Variants in NCKAP5L observed in about 807,000 individuals in gnomAD.
NCKAP5L encodes the protein nck-associated protein 5-like.
Under a neutral mutation model 103.2 loss-of-function variants are expected in NCKAP5L, and 54 were observed. That is an observed-to-expected ratio of 0.52 (90% CI 0.42 to 0.66). The LOEUF is 0.66. Among genes scored for constraint, NCKAP5L ranks in the 30% least tolerant of loss-of-function variants. The probability of loss-of-function intolerance (pLI) is 0.00; values close to 1 mark genes in which losing one functional copy is unlikely to be tolerated. For missense variants in NCKAP5L, 1,733 were observed against 1,750.6 expected, an observed-to-expected ratio of 0.99 and a Z score of 0.18; for synonymous variants, 762 against 748.6, an observed-to-expected ratio of 1.02 and a Z score of -0.29.
chr12:49,801,951 C>T lies in NCKAP5L; in HGVS notation c.248G>A (p.Cys83Tyr), dbSNP rs1946124628. The change falls in exon 6 of 13, where the codon TGC becomes TAC. Residue 83 changes from cysteine to tyrosine, a missense_variant. Transcript: ENST00000335999. ...AAACACTCTCTTCTTCAGCTTGATGCACTCCTCTCGCAGGTCCTGCCGCCC... is the reference window on the plus strand; with the variant it reads ...AAACACTCTCTTCTTCAGCTTGATGTACTCCTCTCGCAGGTCCTGCCGCCC... ...LLNQKDLREECIKLKKRVFDL... is the reference protein window; with the variant it reads ...LLNQKDLREEYIKLKKRVFDL... 1.9e-6 allele frequency: 3 copies of T among 1,613,898 alleles called. No homozygotes were observed. In the South Asian group the frequency reaches 3.3e-5, roughly 18 times the overall value.
In NCKAP5L at chr12:49,793,446, C is replaced by T. The variant is rs1451817800; in HGVS notation, c.3259-13G>A. 1 of 1,608,686 alleles carries T rather than the reference C, an allele frequency of 6.2e-7. No homozygotes were observed. The highest frequency in any genetic ancestry group is 1.1e-5 in the South Asian group (1 of 91,042). On this transcript the variant is annotated splice_polypyrimidine_tract_variant and intron_variant, in intron 9 of 12. Coordinates refer to ENST00000335999, the MANE Select transcript of NCKAP5L (RefSeq NM_001037806.4). ...GCTCGCTGCTCGGCTGTGTGGGATA[C>T]AGGAGACCTCATAGTCCACTCCTCC...
chr12:49,794,944 C>A lies in NCKAP5L; in HGVS notation c.2916G>T (p.Met972Ile), dbSNP rs1157262944. 7.0e-6 allele frequency: 11 copies of A among 1,577,042 alleles called. No homozygotes were observed. The East Asian group carries it at 2.5e-4, about 36-fold the overall frequency. The change falls in exon 8 of 13, where the codon ATG becomes ATT. Residue 972 changes from methionine (M) to isoleucine (I), a missense_variant. Transcript: ENST00000335999. ...CCCGACGCAGGTCTTCCGCCTTGGCCATCAGCTTGGAGATGTTGAGGCTCT... is the reference window on the plus strand; with the variant it reads ...CCCGACGCAGGTCTTCCGCCTTGGCAATCAGCTTGGAGATGTTGAGGCTCT... ...EAESLNISKL[M>I]AKAEDLRRAL...
rs139672960 is a variant in NCKAP5L, at chr12:49,818,509, C to T, written c.-99+9813G>A. 4.4e-4 allele frequency among the ~76,000 whole-genome samples: 67 copies of T among 152,266 alleles called. No individual in the cohort carries two copies. In the East Asian group the frequency reaches 0.012, roughly 28 times the overall value. ...AGTAGCTGGGACTACAGGCATGCAT[C>T]ACCACGCCCAACTAATTTTTTGGAT... is the stretch of plus-strand genomic sequence containing the variant. On this transcript the variant is annotated intron_variant, in intron 1 of 12. Coordinates refer to ENST00000335999, the MANE Select transcript of NCKAP5L (RefSeq NM_001037806.4).
At chr12:49,793,599 C>G (rs1280967561) in intron 9 of NCKAP5L, 135 bp downstream of exon 9, 1 of 1,285,524 alleles carries the variant, frequency 7.8e-7, no homozygotes, top group Non-Finnish European at 1.1e-6. Flanking sequence ...CCTCTCCCCT[C>G]CCCAGTCTCC....
chr12:49,823,645 A>G (rs1317206597), intron 1 of NCKAP5L, among the ~76,000 whole-genome samples: 2 of 117,614 alleles, frequency 1.7e-5, no homozygotes, highest in African/African-American at 5.7e-5. Flanking sequence ...ACATCTATAC[A>G]TTAAAAAAAA....
In NCKAP5L at chr12:49,824,528, CCA is replaced by C. The variant is rs1468776655; in HGVS notation, c.-99+3792_-99+3793del. ...TGCCGTAGAAACCTGCAGAGGAGGT[CCA>C]GTTGGCGTCTGCCCTCCAAGAGGGC... On this transcript the variant is annotated intron_variant, in intron 1 of 12. Transcript: ENST00000335999. 3.7e-4 allele frequency among the ~76,000 whole-genome samples: 56 copies of C among 152,332 alleles called. 1 individual carries two copies. Among genetic ancestry groups the C allele is most frequent in the Non-Finnish European group, 2.9e-4 (20 of 68,030 alleles).
chr12:49,794,109 G>A lies in NCKAP5L; in HGVS notation c.3096-213C>T, dbSNP rs148602426. ...AACCCCAGAGGAACAGAGGGCAGGG[G>A]AGAAGATGGGAGAACTCCCTGAAAG... On this transcript the variant is annotated intron_variant, in intron 8 of 12. Transcript: ENST00000335999. 8.1e-3 allele frequency among the ~76,000 whole-genome samples: 1,228 copies of A among 152,310 alleles called. 14 individuals carry two copies. Among genetic ancestry groups the A allele is most frequent in the African/African-American group, 0.028 (1,168 of 41,550 alleles).
chr12:49,804,561 G>A (rs924562382), intron 2 of NCKAP5L: 3 of 152,300 alleles, frequency 2.0e-5, no homozygotes, highest in African/African-American at 7.2e-5. Flanking sequence ...CCTGGGCATC[G>A]GTGATCCCCT....
chr12:49,805,817 T>A (rs1946173000), intron 2 of NCKAP5L, 163 bp downstream of exon 2: 1 of 152,238 alleles, frequency 6.6e-6, no homozygotes, highest in African/African-American at 2.4e-5. Flanking sequence ...CAAGACCGTT[T>A]CAAAACAAAA....
chr12:49,804,193 G>C (rs1476444043), intron 2 of NCKAP5L, 113 bp from the exon 3 acceptor site: 3 of 982,860 alleles, frequency 3.1e-6, no homozygotes, highest in Non-Finnish European at 4.3e-6. Flanking sequence ...TAATAACTCA[G>C]GGCCAGGCTG....
Position 49,796,759 on chromosome 12 carries a change from G to A in NCKAP5L, c.1101C>T (p.Pro367=). 6.2e-7 allele frequency: 1 copy of A among 1,613,452 alleles called. No homozygotes were observed. The highest frequency in any genetic ancestry group is 8.5e-7 in the Non-Finnish European group (1 of 1,179,722). The change falls in exon 8 of 13, where the codon CCC becomes CCT. Residue 367 remains proline (P), a synonymous_variant. Transcript: ENST00000335999. The part of the protein sequence containing the change: ...PGQSSSPDQA[P]PQLSKSKGLP... ...GGCCTTTGGACTTAGACAGCTGTGG[G>A]GGCGCCTGGTCTGGGGAGGATGACT...
intron 1 of NCKAP5L, among the ~76,000 whole-genome samples, 157 bp downstream of exon 1, chr12:49,828,165 C>T (rs1035584154): frequency 1.3e-5 from 2 of 151,350 alleles, no homozygotes; most frequent in African/African-American, 4.9e-5. Flanking sequence ...GACGGAGGGG[C>T]GGGCAGCAGG....
intron 1 of NCKAP5L, among the ~76,000 whole-genome samples, chr12:49,814,194 T>A (rs1012672057): frequency 6.7e-6 from 1 of 148,862 alleles, no homozygotes; most frequent in African/African-American, 2.4e-5. Context: ...TTTGAAAATA[T>A]TTTCTTCCAG....
Position 49,794,814 on chromosome 12 carries a change from C to G in NCKAP5L, c.3046G>C (p.Ala1016Pro). The G allele has an allele frequency of 1.9e-6, 3 of 1,544,366 alleles. No homozygotes were observed. Among genetic ancestry groups the G allele is most frequent in the Non-Finnish European group, 2.6e-6 (3 of 1,145,148 alleles). Reference protein sequence around the residue: ...TGLGQVQGQLAGMYQGADTFM... With the variant: ...TGLGQVQGQLPGMYQGADTFM... Reference sequence around the variant, plus strand: ...GTGTCTGCACCTTGGTACATGCCAGCCAGCTGGCCCTGCACCTGCCCCAGC... The same window carrying G: ...GTGTCTGCACCTTGGTACATGCCAGGCAGCTGGCCCTGCACCTGCCCCAGC... Residue 1016 changes from alanine (A) to proline (P), a missense_variant, in exon 8 of 13, where the codon GCT (alanine) becomes CCT (proline). Physicochemically the swap from Ala to Pro is conservative, Grantham distance 27 (BLOSUM62 -1). Coordinates refer to ENST00000335999, the MANE Select transcript of NCKAP5L (RefSeq NM_001037806.4).
At position 49,792,113 on chromosome 12, in the gene NCKAP5L, G is replaced by A. The variant is rs1945945817; in HGVS notation, c.3793-62C>T. 2 of 1,389,724 alleles carry A rather than the reference G, an allele frequency of 1.4e-6. No individual in the cohort carries two copies. The highest frequency in any genetic ancestry group is 2.5e-5 in the Admixed American group (1 of 40,402). 86.1% of individuals were successfully genotyped at this position (1,389,724 alleles called of 1,614,324 possible). On this transcript the variant is annotated intron_variant, in intron 12 of 12. Transcript: ENST00000335999. The surrounding 1 kb of genome is among the most constrained non-coding windows in gnomAD (Gnocchi z 4.5). ...TCCACCTTTCGGCCCAGCCTCAGAG[G>A]CACTGAGCTCTGAGGGGCGTCTGTG...
chr12:49,802,889 C>T, intron 5 of NCKAP5L, 69 bp downstream of exon 5: 1 of 1,527,740 alleles, frequency 6.5e-7, no homozygotes, highest in Non-Finnish European at 8.9e-7. Context: ...TCCTCCAAGC[C>T]CTTAGTCTCC....
At chr12:49,828,052 G>A (rs1294236977) in intron 1 of NCKAP5L, among the ~76,000 whole-genome samples, 3 of 138,326 alleles carry the variant, frequency 2.2e-5, no homozygotes, top group African/African-American at 5.2e-5. Flanking sequence ...CCCTTCCGGG[G>A]CCACGGAGTG....
intron 1 of NCKAP5L, among the ~76,000 whole-genome samples, chr12:49,827,646 C>T (rs937854107): frequency 3.9e-4 from 59 of 152,230 alleles, no homozygotes; most frequent in African/African-American, 1.4e-3. Context: ...GCAGACGCTG[C>T]CCTGTCCCTG....
intron 1 of NCKAP5L, among the ~76,000 whole-genome samples, chr12:49,827,173 A>G (rs1946426958): frequency 6.6e-6 from 1 of 152,156 alleles, no homozygotes; most frequent in Admixed American, 6.6e-5. Flanking sequence ...ACTGACCACA[A>G]AACGGTAAGG....
Sources: gnomAD v4.1 joint callset for allele counts (sites outside exome capture counted in the v4.1 genomes callset) on GRCh38, gnomAD v4.1.1 for gene constraint, Gnocchi (gnomAD v3.1) non-coding constraint, MANE v1.5 for transcripts, NCBI Gene and HGNC (gene_info 2026-07-23, HGNC 2026-07-21) for gene names.